Variants in ZNF534 observed in about 807,000 individuals in gnomAD.
ZNF534 encodes the protein KRAB domain only 3.
Under a neutral mutation model 13.6 loss-of-function variants are expected in ZNF534, and 19 were observed. The observed-to-expected ratio is 1.40, with a 90% CI of 0.97 to 2.05. The LOEUF is 2.05. Among genes scored for constraint, ZNF534 ranks in the 30% most tolerant of loss-of-function variants. The pLI is 0.00. For missense variants in ZNF534, 782 were observed against 796.3 expected, an observed-to-expected ratio of 0.98 and a Z score of 0.22; for synonymous variants, 244 against 273.8, an observed-to-expected ratio of 0.89 and a Z score of 1.07.
chr19:52,452,084 A>G (rs1398947694), exon 5 of ZNF534: 2 of 177,074 alleles, frequency 1.1e-5, no homozygotes, highest in East Asian at 3.4e-4. Flanking sequence ...TTTTTTTATG[A>G]TCAAAGAAGA....
In ZNF534 at chr19:52,438,086, T is replaced by C. The variant is rs754151705; in HGVS notation, c.626T>C (p.Ile209Thr). 36 of 1,614,194 alleles carry C rather than the reference T, an allele frequency of 2.2e-5. No homozygotes were observed. Among genetic ancestry groups the C allele is most frequent in the Non-Finnish European group, 3.1e-5 (36 of 1,180,032 alleles). ...SSLTNRQVIH[I>T]ADKTYKCSDC... ...CTTACTAACCGTCAAGTAATCCACA[T>C]TGCAGATAAAACTTACAAATGTAGT... The change falls in exon 5 of 5, where the codon ATT (isoleucine) becomes ACT (threonine). Residue 209 changes from isoleucine (I) to threonine (T), a missense_variant. Physicochemically the swap from Ile to Thr is moderately conservative, Grantham distance 89. This residue lies in a region of ZNF534 where 591 missense variants were observed against 574.0 expected (regional missense o/e 1.03). Coordinates refer to ENST00000433050, the MANE Select transcript of ZNF534 (RefSeq NM_001143938.3).
rs750425898 is a variant in ZNF534, at chr19:52,435,210, G to A, written c.271+1G>A. The A allele has an allele frequency of 2.1e-5, 34 of 1,606,340 alleles. No homozygotes were observed. The highest frequency in any genetic ancestry group is 2.6e-5 in the Non-Finnish European group (31 of 1,176,788). On this transcript the variant is annotated splice_donor_variant, in intron 4 of 4. Coordinates refer to ENST00000433050, the MANE Select transcript of ZNF534 (RefSeq NM_001143938.3). LOFTEE classifies it high-confidence loss of function. ...GAGTGCATCAAAGGTGTGAACACAGGTGAGAGCTCAGGTGGGCAGAGTGGA... is the reference window on the plus strand; with the variant it reads ...GAGTGCATCAAAGGTGTGAACACAGATGAGAGCTCAGGTGGGCAGAGTGGA...
At chr19:52,437,705 A>G (rs964232917) in intron 4 of ZNF534, 27 bp from the exon 5 acceptor site, 1 of 1,529,954 alleles carries the variant, frequency 6.5e-7, no homozygotes, top group Non-Finnish European at 8.8e-7. Context: ...ATCGGGATTA[A>G]GTTCTAAAAT....
At chr19:52,434,821 G>A (rs2059118201) in intron 3 of ZNF534, among the ~76,000 whole-genome samples, 1 of 152,026 alleles carries the variant, frequency 6.6e-6, no homozygotes, top group South Asian at 2.1e-4. Flanking sequence ...GCTGAAGTGT[G>A]CATGAAACCT....
At chr19:52,446,888 G>C (rs758873818), downstream of ZNF534, among the ~76,000 whole-genome samples, 13 of 152,160 alleles carry the variant, frequency 8.5e-5, no homozygotes, top group Non-Finnish European at 1.5e-4. Context: ...TTGTCTTATA[G>C]TTCTGGATGT....
chr19:52,446,621 G>C (rs1158735787), downstream of ZNF534, among the ~76,000 whole-genome samples: 1 of 152,140 alleles, frequency 6.6e-6, no homozygotes, highest in East Asian at 1.9e-4. Flanking sequence ...ACTTTGGGAG[G>C]CTGAAGCAGG....
At position 52,438,222 on chromosome 19, in the gene ZNF534, T is replaced by C. The variant is rs1208889687; in HGVS notation, c.762T>C (p.Asn254=). 1 of 1,613,902 alleles carries C rather than the reference T, an allele frequency of 6.2e-7. No homozygotes were observed. Among genetic ancestry groups the C allele is most frequent in the African/African-American group, 1.3e-5 (1 of 74,896 alleles). Residue 254 remains asparagine, a synonymous_variant, in exon 5 of 5, where the codon AAT becomes AAC. Coordinates refer to ENST00000433050, the MANE Select transcript of ZNF534 (RefSeq NM_001143938.3). ...YNECGKVFNQ[N]SHLAQHQKIH... ...AATGTGGCAAAGTCTTCAATCAGAA[T>C]TCACACCTTGCACAACATCAGAAAA...
exon 5 of ZNF534, chr19:52,452,181 T>C (rs528514232): frequency 1.3e-5 from 2 of 160,000 alleles, no homozygotes; most frequent in Middle Eastern, 3.2e-3. Context: ...AAATCTACTT[T>C]GTGGTGACCT....
chr19:52,434,008 A>G lies in ZNF534; in HGVS notation c.69A>G (p.Lys23=), dbSNP rs1031123027. ...VAIEFSQEEW[K]CLDPGQKALY... is the part of the protein sequence containing the mutation. ...TAGAATTCTCTCAGGAGGAGTGGAA[A>G]TGCCTGGACCCTGGGCAGAAAGCTT... The change falls in exon 3 of 5, where the codon AAA becomes AAG. Residue 23 remains lysine, a synonymous_variant. Coordinates refer to ENST00000433050, the MANE Select transcript of ZNF534 (RefSeq NM_001143938.3). 2.5e-6 allele frequency: 4 copies of G among 1,614,136 alleles called. No homozygotes were observed. The highest frequency in any genetic ancestry group is 1.1e-5 in the South Asian group (1 of 91,080).
chr19:52,439,536 G>T lies in ZNF534; in HGVS notation c.*90G>T. ...AGGCAGGTGGATCATGAGGTCAGGA[G>T]ATTGAGACCATCCTGGCTAACACGG... is the stretch of plus-strand genomic sequence containing the variant. On this transcript the variant is annotated 3_prime_UTR_variant, in exon 5 of 5. Coordinates refer to ENST00000433050, the MANE Select transcript of ZNF534 (RefSeq NM_001143938.3). The T allele has an allele frequency of 8.5e-7, 1 of 1,174,140 alleles. No homozygotes were observed. Among genetic ancestry groups the T allele is most frequent in the Non-Finnish European group, 1.2e-6 (1 of 855,814 alleles). 72.7% of individuals were successfully genotyped at this position (1,174,140 alleles called of 1,614,324 possible).
Position 52,435,087 on chromosome 19 carries a change from G to A in ZNF534, c.149G>A (p.Cys50Tyr), listed in dbSNP as rs779621028. The A allele has an allele frequency of 1.2e-6, 2 of 1,611,698 alleles. No individual in the cohort carries two copies. The highest frequency in any genetic ancestry group is 1.7e-6 in the Non-Finnish European group (2 of 1,178,834). ...TCTTTCTTTTTGTAAGTAGGAATCT[G>A]TCTTCCTGACCTGAGTGTTACCTCC... The part of the protein sequence containing the change: ...NYRNLVSLGI[C>Y]LPDLSVTSML... Residue 50 changes from cysteine (C) to tyrosine (Y), a missense_variant, in exon 4 of 5, where the codon TGT (cysteine) becomes TAT (tyrosine). This residue lies in a region of ZNF534 where 81 missense variants were observed against 63.5 expected (regional missense o/e 1.28). Coordinates refer to ENST00000433050, the MANE Select transcript of ZNF534 (RefSeq NM_001143938.3).
Position 52,438,389 on chromosome 19 carries a change from G to C in ZNF534, c.929G>C (p.Cys310Ser). ...GAATGTGGCAAAGCATTTAGTGTGT[G>C]TTCCAGTCTTACTGCTCATCTTGTA... ...CSECGKAFSV[C>S]SSLTAHLVIH... Residue 310 changes from cysteine to serine, a missense_variant, in exon 5 of 5, where the codon TGT becomes TCT. Physicochemically the swap from Cys to Ser is moderately radical, Grantham distance 112. This residue lies in a region of ZNF534 where 591 missense variants were observed against 574.0 expected (regional missense o/e 1.03). Transcript: ENST00000433050. 3 of 1,613,220 alleles carry C rather than the reference G, an allele frequency of 1.9e-6. No homozygotes were observed. Among genetic ancestry groups the C allele is most frequent in the East Asian group, 2.2e-5 (1 of 44,846 alleles).
In ZNF534 at chr19:52,429,545, C is replaced by G. The variant is rs569481002; in HGVS notation, c.-68+301C>G. Reference sequence around the variant, plus strand: ...TCCATTGATGTGTACCCCAGAGATACCAAGGGCTGACTTTAGACTGTATCT... The same window carrying G: ...TCCATTGATGTGTACCCCAGAGATAGCAAGGGCTGACTTTAGACTGTATCT... On this transcript the variant is annotated intron_variant, in intron 1 of 4. Transcript: ENST00000433050. 1.3e-4 allele frequency among the ~76,000 whole-genome samples: 20 copies of G among 151,464 alleles called. No homozygotes were observed. In the East Asian group the frequency reaches 3.1e-3, roughly 23 times the overall value.
In ZNF534 at chr19:52,434,013, T is replaced by C. The variant is rs755137648; in HGVS notation, c.74T>C (p.Leu25Pro). 33 of 1,614,046 alleles carry C rather than the reference T, an allele frequency of 2.0e-5. No homozygotes were observed. The highest frequency in any genetic ancestry group is 2.6e-5 in the Non-Finnish European group (31 of 1,180,032). ...IEFSQEEWKC[L>P]DPGQKALYRD... ...TTCTCTCAGGAGGAGTGGAAATGCC[T>C]GGACCCTGGGCAGAAAGCTTTATAC... Residue 25 changes from leucine (L) to proline (P), a missense_variant, in exon 3 of 5, where the codon CTG (leucine) becomes CCG (proline). Transcript: ENST00000433050.
Position 52,433,983 on chromosome 19 carries a change from T to C in ZNF534, c.44T>C (p.Ile15Thr), listed in dbSNP as rs765691094. 1.9e-6 allele frequency: 3 copies of C among 1,613,928 alleles called. No homozygotes were observed. Among genetic ancestry groups the C allele is most frequent in the Non-Finnish European group, 1.7e-6 (2 of 1,179,986 alleles). The stretch of plus-strand genomic sequence containing the variant: ...CAATTGTCATTCAGCGATGTGGCCA[T>C]AGAATTCTCTCAGGAGGAGTGGAAA... ...QGQLSFSDVA[I>T]EFSQEEWKCL... The change falls in exon 3 of 5, where the codon ATA becomes ACA. Residue 15 changes from isoleucine (I) to threonine (T), a missense_variant. By Grantham distance (89) the Ile-to-Thr change is moderately conservative. Around this residue, in one of 5 missense-constraint regions of ZNF534, gnomAD observed 81 missense variants for 63.5 expected, o/e 1.28. Transcript: ENST00000433050.
At chr19:52,435,338 G>A (rs1291148584) in intron 4 of ZNF534, 129 bp downstream of exon 4, 14 of 1,127,722 alleles carry the variant, frequency 1.2e-5, no homozygotes, top group Admixed American at 6.2e-5. Context: ...CTGGACTTAA[G>A]GGATCCTTCT....
rs781038015 is a variant in ZNF534 at position 52,438,367 on chromosome 19, T to C, written c.907T>C (p.Cys303Arg). The C allele has an allele frequency of 3.5e-5, 57 of 1,613,474 alleles. No individual in the cohort carries two copies. The highest frequency in any genetic ancestry group is 1.6e-4 in the Middle Eastern group (1 of 6,084). ...AGAGAAGCCTTACAAATGTAGTGAA[T>C]GTGGCAAAGCATTTAGTGTGTGTTC... The part of the protein sequence containing the change: ...TGEKPYKCSE[C>R]GKAFSVCSSL... The change falls in exon 5 of 5, where the codon TGT (cysteine) becomes CGT (arginine). Residue 303 changes from cysteine to arginine, a missense_variant. By Grantham distance (180) the Cys-to-Arg change is radical (BLOSUM62 -3). Around this residue, in one of 5 missense-constraint regions of ZNF534, gnomAD observed 591 missense variants for 574.0 expected, o/e 1.03. Coordinates refer to ENST00000433050, the MANE Select transcript of ZNF534 (RefSeq NM_001143938.3).
rs118147154 is a variant in ZNF534 at position 52,431,488 on chromosome 19, A to C, written c.14A>C (p.Gln5Pro). 15,757 of 1,612,536 alleles carry C rather than the reference A, an allele frequency of 9.8e-3. 147 individuals carry two copies. The highest frequency in any genetic ancestry group is 0.026 in the Middle Eastern group (160 of 6,052). MALT[Q>P]GQLSFSDVAI... ...AGGAAGTCAGGAATGGCCCTTACTCAGGTAAGGTAATGTTCTCAGTGGATT... is the reference window on the plus strand; with the variant it reads ...AGGAAGTCAGGAATGGCCCTTACTCCGGTAAGGTAATGTTCTCAGTGGATT... The change falls in exon 2 of 5, where the codon CAG (glutamine) becomes CCG (proline). Residue 5 changes from glutamine to proline, a missense_variant and splice_region_variant. Gln to Pro is a moderately conservative substitution (Grantham distance 76). This residue lies in a region of ZNF534 where 81 missense variants were observed against 63.5 expected (regional missense o/e 1.28). Coordinates refer to ENST00000433050, the MANE Select transcript of ZNF534 (RefSeq NM_001143938.3).
At chr19:52,430,191 T>C (rs964167727) in intron 1 of ZNF534, among the ~76,000 whole-genome samples, 1 of 151,544 alleles carries the variant, frequency 6.6e-6, no homozygotes, top group African/African-American at 2.4e-5. Flanking sequence ...AGTTTTTATA[T>C]TTTTAGTACA....
Sources: gnomAD v4.1 joint callset for allele counts (sites outside exome capture counted in the v4.1 genomes callset) on GRCh38, gnomAD v4.1.1 for gene constraint, gnomAD v4.1.1 regional missense constraint, MANE v1.5 for transcripts, NCBI Gene and HGNC (gene_info 2026-07-23, HGNC 2026-07-21) for gene names.